The following RSRC1 variants were observed in gnomAD, a reference collection of about 807,000 sequenced individuals.
RSRC1 encodes the protein serine/Arginine-related protein 53.
RSRC1 carries 39 observed loss-of-function variants against 49.1 expected under a neutral mutation model. The ratio of observed to expected loss-of-function variants is 0.79; its 90% CI spans 0.61 to 1.04. The LOEUF is 1.04. RSRC1 is among the 50% of genes least tolerant of loss of function. The probability of loss-of-function intolerance (pLI) is 0.00; values close to 1 mark genes in which losing one functional copy is unlikely to be tolerated. For synonymous variants in RSRC1, 143 were observed against 130.8 expected (o/e 1.09, Z -0.63); for missense variants, 388 against 402.4 (o/e 0.96, Z 0.31).
At chr3:158,288,027 T>C (rs960169865) in intron 4 of RSRC1, among the ~76,000 whole-genome samples, 10 of 152,290 alleles carry the variant, frequency 6.6e-5, no homozygotes, top group African/African-American at 1.9e-4. Context: ...GCCCCCTTGA[T>C]TTTTTTGTTT....
intron 6 of RSRC1, among the ~76,000 whole-genome samples, chr3:158,444,419 A>G (rs1287773292): frequency 6.6e-6 from 1 of 152,218 alleles, no homozygotes; most frequent in Non-Finnish European, 1.5e-5. Context: ...AGGATTCCCT[A>G]TTTAATAAAT....
intron 6 of RSRC1, among the ~76,000 whole-genome samples, chr3:158,432,517 A>G (rs575279592): frequency 2.0e-4 from 31 of 151,956 alleles, no homozygotes; most frequent in African/African-American, 6.5e-4. Flanking sequence ...TCAAAAATCT[A>G]TGACTAGAAT....
intron 5 of RSRC1, among the ~76,000 whole-genome samples, chr3:158,342,813 A>C (rs182730790): frequency 6.6e-6 from 1 of 152,226 alleles, no homozygotes; most frequent in Non-Finnish European, 1.5e-5. Context: ...GTGAACATCA[A>C]ATATGAAGTA....
At chr3:158,195,273 T>G (rs1720518785) in intron 3 of RSRC1, among the ~76,000 whole-genome samples, 1 of 152,168 alleles carries the variant, frequency 6.6e-6, no homozygotes, top group East Asian at 1.9e-4. Context: ...TTTTCATGTG[T>G]CTGTTGGCTG....
At chr3:158,435,701 G>C (rs910665204) in intron 6 of RSRC1, among the ~76,000 whole-genome samples, 2 of 151,352 alleles carry the variant, frequency 1.3e-5, no homozygotes, top group African/African-American at 4.8e-5. Flanking sequence ...GAATTTTTTA[G>C]TAAGGGAAGA....
At chr3:158,500,138 T>C (rs1244752406) in intron 7 of RSRC1, among the ~76,000 whole-genome samples, 1 of 152,214 alleles carries the variant, frequency 6.6e-6, no homozygotes, top group Non-Finnish European at 1.5e-5. Context: ...GATTTTTGTT[T>C]TTAATTATGC....
At chr3:158,503,631 G>A (rs1739713894) in intron 7 of RSRC1, among the ~76,000 whole-genome samples, 1 of 152,110 alleles carries the variant, frequency 6.6e-6, no homozygotes, top group Non-Finnish European at 1.5e-5. Context: ...GATTATAGCT[G>A]CCTCTGCTGA....
At chr3:158,495,778 C>T (rs946704896) in intron 7 of RSRC1, among the ~76,000 whole-genome samples, 2 of 152,210 alleles carry the variant, frequency 1.3e-5, no homozygotes, top group African/African-American at 2.4e-5. Flanking sequence ...AAGCCACTCT[C>T]ATTTGTTTAC....
chr3:158,113,390 A>G (rs1191283404), intron 1 of RSRC1, among the ~76,000 whole-genome samples: 3 of 137,990 alleles, frequency 2.2e-5, no homozygotes, highest in Non-Finnish European at 4.6e-5. Context: ...TTTTTTTGAG[A>G]CGGGAGTCTC....
chr3:158,493,159 C>CT (rs1348127017), intron 7 of RSRC1, among the ~76,000 whole-genome samples: 48 of 152,250 alleles, frequency 3.2e-4, no homozygotes, highest in Admixed American at 3.1e-3. Context: ...TGTTAAATCT[C>CT]TTTTAACAAA....
intron 3 of RSRC1, among the ~76,000 whole-genome samples, chr3:158,158,938 C>CAAAAA (rs11340589): frequency 8.4e-6 from 1 of 119,378 alleles, no homozygotes; most frequent in South Asian, 2.8e-4. Context: ...GACTCTGTCT[C>CAAAAA]AAAAAAAAAA....
chr3:158,334,649 T>TGTGTGTGTGTGTGTG (rs1729770824), intron 5 of RSRC1, among the ~76,000 whole-genome samples: 1 of 137,448 alleles, frequency 7.3e-6, no homozygotes, highest in Non-Finnish European at 1.5e-5. Context: ...CCCAGCTAAT[T>TGTGTGTGTGTGTGTG]TGTGTGTGTG....
chr3:158,434,159 G>A (rs544041309), intron 6 of RSRC1, among the ~76,000 whole-genome samples: 6 of 152,030 alleles, frequency 3.9e-5, no homozygotes, highest in Admixed American at 2.6e-4. Flanking sequence ...TCTACTCTGT[G>A]ATGTTTAAAA....
At chr3:158,444,786 A>G (rs186749935) in intron 6 of RSRC1, among the ~76,000 whole-genome samples, 40 of 152,320 alleles carry the variant, frequency 2.6e-4, no homozygotes, top group Admixed American at 9.8e-4. Flanking sequence ...TCCAGAATCT[A>G]CAAAGAACTC....
At chr3:158,482,085 T>C (rs1330514931) in intron 7 of RSRC1, among the ~76,000 whole-genome samples, 1 of 152,052 alleles carries the variant, frequency 6.6e-6, no homozygotes, top group African/African-American at 2.4e-5. Flanking sequence ...TGATTTATTG[T>C]TTGAATGTAC....
At chr3:158,185,960 T>G (rs1264492157) in intron 3 of RSRC1, among the ~76,000 whole-genome samples, 4 of 151,998 alleles carry the variant, frequency 2.6e-5, no homozygotes, top group African/African-American at 9.7e-5. Flanking sequence ...TACATTTAAT[T>G]AAGTGTAGTT....
chr3:158,256,354 G>T (rs1362461515), intron 4 of RSRC1, among the ~76,000 whole-genome samples: 3 of 152,148 alleles, frequency 2.0e-5, no homozygotes, highest in Non-Finnish European at 4.4e-5. Flanking sequence ...TTCATGTGAT[G>T]GATTACATTT....
At chr3:158,281,846 G>A (rs1726193937) in intron 4 of RSRC1, among the ~76,000 whole-genome samples, 1 of 152,174 alleles carries the variant, frequency 6.6e-6, no homozygotes, top group African/African-American at 2.4e-5. Flanking sequence ...TAGGGTATGT[G>A]TATAGTTCTC....
chr3:158,167,604 TA>T (rs1481498409), intron 3 of RSRC1, among the ~76,000 whole-genome samples: 1 of 152,246 alleles, frequency 6.6e-6, no homozygotes, highest in Non-Finnish European at 1.5e-5. Context: ...AAATCCTTTT[TA>T]TGTTTCATAA....
Sources: allele counts gnomAD v4.1 joint callset (sites outside exome capture counted in the v4.1 genomes callset), GRCh38; gene constraint gnomAD v4.1.1; transcripts MANE v1.5; gene names NCBI Gene and HGNC (gene_info 2026-07-23, HGNC 2026-07-21).